The following MBNL1 variants were observed in gnomAD, a reference collection of about 807,000 sequenced individuals.
The protein encoded by MBNL1 is muscleblind-like protein 1.
In MBNL1, 8 loss-of-function variants were observed where a neutral mutation model predicts 42.2. That is an observed-to-expected ratio of 0.19 (90% CI 0.11 to 0.34). MBNL1 has a LOEUF of 0.34. Ranked by LOEUF, MBNL1 falls within the 10% of genes least tolerant of loss-of-function variation. The pLI is 1.00. For missense variants in MBNL1, 309 were observed against 495.3 expected, an observed-to-expected ratio of 0.62 and a Z score of 3.57; for synonymous variants, 169 against 173.9, an observed-to-expected ratio of 0.97 and a Z score of 0.22.
intron 8 of MBNL1, chr3:152,457,933 G>C: frequency 2.0e-6 from 1 of 489,862 alleles, no homozygotes; most frequent in Non-Finnish European, 3.7e-6. Flanking sequence ...ACAACCAAAA[G>C]AAAGAAAAGG....
chr3:152,461,081 AAAG>A (rs1266365424), intron 9 of MBNL1, among the ~76,000 whole-genome samples: 8 of 152,166 alleles, frequency 5.3e-5, no homozygotes, highest in Admixed American at 1.3e-4. Context: ...AGGCCTTGTA[AAAG>A]AAGGACAGTG....
chr3:152,451,012 A>G (rs868076670), intron 6 of MBNL1, among the ~76,000 whole-genome samples: 3 of 152,230 alleles, frequency 2.0e-5, no homozygotes, highest in South Asian at 2.1e-4. Flanking sequence ...GAAGAATTAG[A>G]TGATCAAGGA....
intron 3 of MBNL1, among the ~76,000 whole-genome samples, chr3:152,420,090 G>C (rs2098778296): frequency 6.6e-6 from 1 of 152,218 alleles, no homozygotes; most frequent in African/African-American, 2.4e-5. Context: ...ATCTCTGAAA[G>C]AAAGGCAGTA....
intron 1 of MBNL1, among the ~76,000 whole-genome samples, chr3:152,280,408 G>A (rs1010647542): frequency 1.3e-5 from 2 of 152,100 alleles, no homozygotes; most frequent in African/African-American, 2.4e-5. Flanking sequence ...ACACCATTTA[G>A]TTTTTCTGTT....
chr3:152,395,655 A>T (rs2097898337), intron 2 of MBNL1, among the ~76,000 whole-genome samples: 1 of 152,234 alleles, frequency 6.6e-6, no homozygotes, highest in African/African-American at 2.4e-5. Context: ...CAGCAAGAGC[A>T]TTGGATGGAT....
intron 6 of MBNL1, among the ~76,000 whole-genome samples, chr3:152,449,008 C>T (rs1716159833): frequency 6.6e-6 from 1 of 152,148 alleles, no homozygotes; most frequent in African/African-American, 2.4e-5. Flanking sequence ...TGCAGCCTCA[C>T]ATTTCTCTTA....
intron 2 of MBNL1, among the ~76,000 whole-genome samples, chr3:152,257,796 TA>T (rs1197989180): frequency 1.3e-5 from 2 of 151,874 alleles, no homozygotes; most frequent in African/African-American, 2.4e-5. Flanking sequence ...TCTGGCGGAG[TA>T]AAAAAAAATT....
In MBNL1 at chr3:152,465,359, G is replaced by GT. The variant is rs1749984718; in HGVS notation, c.*2993_*2994insT. 6.6e-6 allele frequency: 1 copy of GT among 152,524 alleles called. No individual in the cohort carries two copies. Among genetic ancestry groups the GT allele is most frequent in the Non-Finnish European group, 1.5e-5 (1 of 68,024 alleles). The allele number at this position is 152,524 out of a possible 1,614,324, so 9.4% of individuals were successfully genotyped here. A position where few individuals can be genotyped will look rare whatever the true frequency, so the allele number is the denominator to read the frequency against. On this transcript the variant is annotated 3_prime_UTR_variant, in exon 10 of 10. Transcript: ENST00000324210. The stretch of plus-strand genomic sequence containing the variant: ...CAGGCAAACCAAACAGCACACTGTA[G>GT]CTATAGTTGTTATGTGATTGTTTTT...
At chr3:152,290,180 C>T (rs367895645) in intron 1 of MBNL1, among the ~76,000 whole-genome samples, 47 of 152,086 alleles carry the variant, frequency 3.1e-4, no homozygotes, top group Middle Eastern at 3.4e-3. Flanking sequence ...GATAAAGCTT[C>T]TGTGGTCAGA....
At chr3:152,326,303 TTTA>T (rs1261335081) in intron 2 of MBNL1, among the ~76,000 whole-genome samples, 8 of 152,166 alleles carry the variant, frequency 5.3e-5, no homozygotes, top group Non-Finnish European at 1.2e-4. Flanking sequence ...TTTAATGTTA[TTTA>T]TTATTATTTG....
intron 2 of MBNL1, among the ~76,000 whole-genome samples, chr3:152,307,104 C>T (rs929958757): frequency 2.2e-4 from 33 of 152,054 alleles, no homozygotes; most frequent in Admixed American, 2.1e-3. Context: ...ATTCTCCTGC[C>T]TCAACCTCCC....
chr3:152,392,460 A>T (rs182135236), intron 2 of MBNL1, among the ~76,000 whole-genome samples: 77 of 152,330 alleles, frequency 5.1e-4, no homozygotes, highest in African/African-American at 1.7e-3. Flanking sequence ...AAATGAATGG[A>T]ATGCTTTTGA....
chr3:152,401,145 C>A (rs897275062), intron 2 of MBNL1, among the ~76,000 whole-genome samples: 17 of 152,090 alleles, frequency 1.1e-4, no homozygotes, highest in African/African-American at 4.1e-4. Context: ...AGCTGGACAC[C>A]CAGAAATGCC....
At chr3:152,297,346 T>G (rs1209896194) in intron 1 of MBNL1, among the ~76,000 whole-genome samples, 8 of 119,660 alleles carry the variant, frequency 6.7e-5, no homozygotes, top group Admixed American at 2.5e-4. Context: ...GGGATGAGGT[T>G]TTTTTTTTTT....
chr3:152,356,880 T>TGTGTGTG (rs1553865138), intron 2 of MBNL1, among the ~76,000 whole-genome samples: 1 of 151,616 alleles, frequency 6.6e-6, no homozygotes, highest in African/African-American at 2.4e-5. Flanking sequence ...TGTGTGTGTG[T>TGTGTGTG]TCTTACTGTA....
intron 2 of MBNL1, among the ~76,000 whole-genome samples, chr3:152,344,397 G>T (rs1427966482): frequency 6.6e-6 from 1 of 152,114 alleles, no homozygotes; most frequent in Non-Finnish European, 1.5e-5. Context: ...GTGATTTTAG[G>T]TAGTCCTAAC....
intron 3 of MBNL1, among the ~76,000 whole-genome samples, chr3:152,418,338 C>T (rs545849879): frequency 6.6e-6 from 1 of 151,856 alleles, no homozygotes; most frequent in Admixed American, 6.6e-5. Flanking sequence ...TAATTGGAGA[C>T]ACACCACTGG....
chr3:152,313,741 C>T (rs2068562078), intron 2 of MBNL1, among the ~76,000 whole-genome samples: 1 of 152,148 alleles, frequency 6.6e-6, no homozygotes, highest in South Asian at 2.1e-4. Context: ...TTAAAAAGGA[C>T]TTAACCTTGA....
At chr3:152,436,936 G>T (rs2099086384) in intron 4 of MBNL1, among the ~76,000 whole-genome samples, 1 of 152,190 alleles carries the variant, frequency 6.6e-6, no homozygotes, top group Non-Finnish European at 1.5e-5. Flanking sequence ...ATCTGATCCA[G>T]TGTCACAGTT....
Sources: allele counts gnomAD v4.1 joint callset (sites outside exome capture counted in the v4.1 genomes callset), GRCh38; gene constraint gnomAD v4.1.1; transcripts MANE v1.5; gene names NCBI Gene and HGNC (gene_info 2026-07-23, HGNC 2026-07-21).